The following UBE2Q2 variants were observed in gnomAD, a reference collection of about 807,000 sequenced individuals.
UBE2Q2 encodes ubiquitin-conjugating enzyme E2 Q2.
UBE2Q2 carries 54 observed loss-of-function variants against 59.9 expected under a neutral mutation model. The ratio of observed to expected loss-of-function variants is 0.90; its 90% CI spans 0.72 to 1.13. The LOEUF is 1.13. UBE2Q2 is among the 50% of genes most tolerant of loss of function. The pLI, the probability that UBE2Q2 is intolerant of heterozygous loss-of-function variation, is 0.00. For missense variants in UBE2Q2, 433 were observed against 441.9 expected (o/e 0.98, Z 0.18); for synonymous variants, 165 against 155.2 (o/e 1.06, Z -0.47).
At chr15:75,896,886 TAGTC>T (rs371397429) in intron 11 of UBE2Q2, 105 bp from the exon 12 acceptor site, 85 of 543,516 alleles carry the variant, frequency 1.6e-4, no homozygotes, top group Middle Eastern at 1.1e-3. Context: ...GAAATGGAGA[TAGTC>T]AGTTTCCCAT....
rs2141511397 is a variant in UBE2Q2 at position 75,843,591 on chromosome 15, A to T, written c.-76A>T. On this transcript the variant is annotated 5_prime_UTR_variant, in exon 1 of 13. Transcript: ENST00000267938. ...GCCCCGCGGGGCGGTCGCGGCCGTG[A>T]CGGCGGCTCCGGGCCCGGCTCCCCT... The T allele has an allele frequency of 6.0e-6, 8 of 1,326,152 alleles. No individual in the cohort carries two copies. The South Asian group carries it at 1.0e-4, about 17-fold the overall frequency. 82.1% of individuals were successfully genotyped at this position (1,326,152 alleles called of 1,614,324 possible). A position where few individuals can be genotyped will look rare whatever the true frequency, so the allele number is the denominator to read the frequency against.
In UBE2Q2 at chr15:75,854,397, ATCT is replaced by A; in HGVS notation, c.198_200del (p.Ser67del). 1.9e-6 allele frequency: 3 copies of A among 1,612,800 alleles called. No homozygotes were observed. The highest frequency in any genetic ancestry group is 2.5e-6 in the Non-Finnish European group (3 of 1,179,318). ...TCTGTGTTAAACAGGAATCCTATCCATCTTCTTCACCGATATGGTTTGTGGATT... is the reference window on the plus strand; with the variant it reads ...TCTGTGTTAAACAGGAATCCTATCCATCTTCACCGATATGGTTTGTGGATT... On this transcript the variant is annotated inframe_deletion, in exon 2 of 13. Transcript: ENST00000267938.
At chr15:75,863,161 T>C (rs1191402435) in intron 3 of UBE2Q2, among the ~76,000 whole-genome samples, 1 of 152,210 alleles carries the variant, frequency 6.6e-6, no homozygotes, top group Non-Finnish European at 1.5e-5. Context: ...GGGTACCTAG[T>C]GTCTGAGTCT....
At chr15:75,866,993 C>G (rs182572168) in intron 3 of UBE2Q2, among the ~76,000 whole-genome samples, 1 of 152,284 alleles carries the variant, frequency 6.6e-6, no homozygotes, top group East Asian at 1.9e-4. Context: ...CTGGTTATCT[C>G]CTCATTTATA....
At chr15:75,858,060 T>C (rs1328799055) in intron 2 of UBE2Q2, among the ~76,000 whole-genome samples, 1 of 152,176 alleles carries the variant, frequency 6.6e-6, no homozygotes, top group Non-Finnish European at 1.5e-5. Flanking sequence ...TCCATCTGAT[T>C]ACTGTCTTGT....
chr15:75,871,468 C>T (rs1253782828), intron 4 of UBE2Q2, among the ~76,000 whole-genome samples: 2 of 152,254 alleles, frequency 1.3e-5, no homozygotes, highest in Non-Finnish European at 2.9e-5. Flanking sequence ...CAGACTATCA[C>T]ATGGGGAGAT....
intron 3 of UBE2Q2, among the ~76,000 whole-genome samples, chr15:75,865,091 GCCAAC>G (rs1555420351): frequency 6.6e-6 from 1 of 152,208 alleles, no homozygotes; most frequent in Non-Finnish European, 1.5e-5. Flanking sequence ...ATACTTGGGA[GCCAAC>G]ACCTAGCCAG....
At chr15:75,870,616 A>T (rs149919651) in intron 4 of UBE2Q2, among the ~76,000 whole-genome samples, 39 of 152,308 alleles carry the variant, frequency 2.6e-4, no homozygotes, top group Non-Finnish European at 4.9e-4. Flanking sequence ...AGAAAGGTAG[A>T]CTGGACTTTG....
chr15:75,844,495 AGT>A, intron 1 of UBE2Q2: 1 of 1,550,816 alleles, frequency 6.4e-7, no homozygotes, highest in African/African-American at 1.4e-5. Context: ...GGTGGTGTTG[AGT>A]GTGTATTCGT....
At chr15:75,869,344 G>A (rs1897665265) in intron 4 of UBE2Q2, among the ~76,000 whole-genome samples, 1 of 152,148 alleles carries the variant, frequency 6.6e-6, no homozygotes, top group Non-Finnish European at 1.5e-5. Flanking sequence ...AAAATTTTAT[G>A]TTTGCATAAA....
chr15:75,876,746 G>A (rs558806066), intron 6 of UBE2Q2, among the ~76,000 whole-genome samples: 27 of 152,138 alleles, frequency 1.8e-4, no homozygotes, highest in African/African-American at 5.5e-4. Context: ...CTTGTTTGAC[G>A]AGTATTCTTA....
chr15:75,844,465 A>G (rs1896215496), intron 1 of UBE2Q2: 3 of 1,551,526 alleles, frequency 1.9e-6, no homozygotes, highest in South Asian at 1.2e-5. Context: ...GGAAAGGAGC[A>G]TAGTACCGTC....
At chr15:75,854,320 T>C in intron 1 of UBE2Q2, 66 bp from the exon 2 acceptor site, 2 of 1,229,534 alleles carry the variant, frequency 1.6e-6, no homozygotes, top group East Asian at 2.4e-5. Context: ...TTTAGTGGTG[T>C]GGTTTAATTG....
intron 3 of UBE2Q2, among the ~76,000 whole-genome samples, chr15:75,865,756 G>A (rs1253628480): frequency 6.7e-6 from 1 of 150,040 alleles, no homozygotes; most frequent in South Asian, 2.1e-4. Context: ...CTTGTATTAT[G>A]TGTCCTGCTC....
chr15:75,848,131 C>T (rs1367489699), intron 1 of UBE2Q2, among the ~76,000 whole-genome samples: 1 of 152,050 alleles, frequency 6.6e-6, no homozygotes, highest in Non-Finnish European at 1.5e-5. Context: ...TTTTTTTGCA[C>T]TGCAAGAGAG....
intron 6 of UBE2Q2, among the ~76,000 whole-genome samples, chr15:75,876,896 C>T (rs1898115207): frequency 6.6e-6 from 1 of 152,118 alleles, no homozygotes; most frequent in Admixed American, 6.6e-5. Flanking sequence ...GTGGCTCACA[C>T]TTATAATCCC....
At chr15:75,871,142 G>A (rs546755967) in intron 4 of UBE2Q2, among the ~76,000 whole-genome samples, 9 of 152,322 alleles carry the variant, frequency 5.9e-5, no homozygotes, top group Non-Finnish European at 1.3e-4. Flanking sequence ...CATAGACAAG[G>A]TAAAGAATCA....
At position 75,843,618 on chromosome 15, in the gene UBE2Q2, C is replaced by A. The variant is rs768619480; in HGVS notation, c.-49C>A. 3 of 1,511,958 alleles carry A rather than the reference C, an allele frequency of 2.0e-6. No homozygotes were observed. The highest frequency in any genetic ancestry group is 2.7e-6 in the Non-Finnish European group (3 of 1,129,622). 93.7% of individuals were successfully genotyped at this position (1,511,958 alleles called of 1,614,324 possible). A position where few individuals can be genotyped will look rare whatever the true frequency, so the allele number is the denominator to read the frequency against. ...GGCGGCTCCGGGCCCGGCTCCCCTTCCGCGCCCGGCTCCCCTTCCGCGCCC... is the reference window on the plus strand; with the variant it reads ...GGCGGCTCCGGGCCCGGCTCCCCTTACGCGCCCGGCTCCCCTTCCGCGCCC... On this transcript the variant is annotated 5_prime_UTR_variant, in exon 1 of 13. Transcript: ENST00000267938.
At chr15:75,886,404 C>G (rs1898772505) in intron 9 of UBE2Q2, among the ~76,000 whole-genome samples, 1 of 152,014 alleles carries the variant, frequency 6.6e-6, no homozygotes. Flanking sequence ...ATGGCATGAG[C>G]CACTGCCTGG....
Sources: allele counts gnomAD v4.1 joint callset (sites outside exome capture counted in the v4.1 genomes callset), GRCh38; gene constraint gnomAD v4.1.1; transcripts MANE v1.5; gene names NCBI Gene and HGNC (gene_info 2026-07-23, HGNC 2026-07-21).